The following UNC13C variants were observed in gnomAD, a reference collection of about 807,000 sequenced individuals.
UNC13C encodes the protein protein unc-13 homolog C.
UNC13C carries 174 observed loss-of-function variants against 245.4 expected under a neutral mutation model. The ratio of observed to expected loss-of-function variants is 0.71; its 90% CI spans 0.63 to 0.80. The LOEUF is 0.80. UNC13C is among the 30% of genes least tolerant of loss of function. The pLI, the probability that UNC13C is intolerant of heterozygous loss-of-function variation, is 0.00. For missense variants in UNC13C, 2,829 were observed against 2,602.9 expected, an observed-to-expected ratio of 1.09 and a Z score of -1.89; for synonymous variants, 992 against 895.1, an observed-to-expected ratio of 1.11 and a Z score of -1.93.
intron 26 of UNC13C, among the ~76,000 whole-genome samples, chr15:54,534,322 C>G (rs992848930): frequency 2.3e-4 from 35 of 152,162 alleles, no homozygotes. Context: ...CCTTGGCCCC[C>G]TGAAATCTTC....
At chr15:54,523,894 C>T (rs62022406) in intron 24 of UNC13C, among the ~76,000 whole-genome samples, 7,555 of 152,080 alleles carry the variant, frequency 0.05, 319 homozygotes, top group Admixed American at 0.12. Context: ...TTCCCTCTTC[C>T]CCAACATTTT....
At chr15:54,366,413 C>A (rs1219591905) in intron 17 of UNC13C, among the ~76,000 whole-genome samples, 1 of 152,052 alleles carries the variant, frequency 6.6e-6, no homozygotes, top group Admixed American at 6.6e-5. Flanking sequence ...AATTTTAAAT[C>A]CCCAGGAAAA....
intron 17 of UNC13C, among the ~76,000 whole-genome samples, chr15:54,348,992 C>A (rs2038920972): frequency 6.6e-6 from 1 of 151,468 alleles, no homozygotes; most frequent in South Asian, 2.1e-4. Context: ...GTGTTTTTTA[C>A]CACCTTATGT....
At chr15:54,264,114 C>T in intron 8 of UNC13C, 54 bp from the exon 9 acceptor site, 1 of 1,510,604 alleles carries the variant, frequency 6.6e-7, no homozygotes, top group Non-Finnish European at 9.0e-7. Flanking sequence ...CTCCTTTAGC[C>T]ATCAAAAAGT....
chr15:54,127,747 T>C (rs1007391446), intron 2 of UNC13C, among the ~76,000 whole-genome samples: 18 of 116,600 alleles, frequency 1.5e-4, no homozygotes, highest in African/African-American at 6.0e-4. Flanking sequence ...AAATATATAT[T>C]TCATATATAT....
At chr15:54,455,279 G>A (rs1269945806) in intron 19 of UNC13C, among the ~76,000 whole-genome samples, 1 of 134,914 alleles carries the variant, frequency 7.4e-6, no homozygotes, top group African/African-American at 2.8e-5. Flanking sequence ...ATTTAGGCTG[G>A]TTTTGTATTT....
intron 18 of UNC13C, among the ~76,000 whole-genome samples, chr15:54,393,819 A>C (rs1343671253): frequency 6.6e-6 from 1 of 151,802 alleles, no homozygotes; most frequent in Non-Finnish European, 1.5e-5. Flanking sequence ...CTCCCAACTA[A>C]AATAAAGGTG....
chr15:54,046,992 C>T (rs1897065017), intron 2 of UNC13C, among the ~76,000 whole-genome samples: 1 of 151,978 alleles, frequency 6.6e-6, no homozygotes, highest in South Asian at 2.1e-4. Context: ...TATGTAATTC[C>T]ATATATACAC....
chr15:53,934,017 G>A, the UNC13C span, among the ~76,000 whole-genome samples: 2 of 152,200 alleles, frequency 1.3e-5, no homozygotes, highest in Non-Finnish European at 1.5e-5. Flanking sequence ...CAACTGCATG[G>A]CTTCTGGTGA....
chr15:53,873,914 TCC>T, the UNC13C span, among the ~76,000 whole-genome samples: 2 of 20,576 alleles, frequency 9.7e-5, no homozygotes, highest in East Asian at 5.3e-3. Context: ...CTTCCTTCCT[TCC>T]TTCCTTTCTT....
At chr15:54,592,865 T>G (rs1342758588) in intron 30 of UNC13C, among the ~76,000 whole-genome samples, 1 of 36,294 alleles carries the variant, frequency 2.8e-5, no homozygotes, top group African/African-American at 1.1e-4. Flanking sequence ...TGTTTTTTGT[T>G]TTTTTTTTTT....
At chr15:54,229,923 A>G (rs566258752) in intron 4 of UNC13C, among the ~76,000 whole-genome samples, 1 of 152,110 alleles carries the variant, frequency 6.6e-6, no homozygotes, top group East Asian at 1.9e-4. Context: ...AATGTCCTTC[A>G]GGTTCATCCA....
intron 13 of UNC13C, among the ~76,000 whole-genome samples, chr15:54,315,181 C>T (rs539872848): frequency 2.0e-5 from 3 of 151,746 alleles, no homozygotes; most frequent in African/African-American, 7.2e-5. Context: ...AAAATCAAAA[C>T]TCCTTGGCTA....
chr15:54,525,716 C>A, intron 25 of UNC13C, 79 bp downstream of exon 25: 1 of 1,179,632 alleles, frequency 8.5e-7, no homozygotes, highest in Non-Finnish European at 1.2e-6. Flanking sequence ...AATGCTGTTT[C>A]CTCTGACTGA....
chr15:54,355,733 AT>A (rs761589987), intron 17 of UNC13C, among the ~76,000 whole-genome samples: 17 of 151,684 alleles, frequency 1.1e-4, no homozygotes, highest in East Asian at 3.9e-4. Flanking sequence ...AATTTAAAAG[AT>A]TTTTTTTTAA....
At chr15:54,045,228 G>A (rs1030845828) in intron 2 of UNC13C, among the ~76,000 whole-genome samples, 1 of 151,894 alleles carries the variant, frequency 6.6e-6, no homozygotes, top group Non-Finnish European at 1.5e-5. Flanking sequence ...GTTAATTTTT[G>A]CATATGGTAT....
chr15:54,287,148 G>A (rs1452944657), intron 10 of UNC13C, among the ~76,000 whole-genome samples: 1 of 152,124 alleles, frequency 6.6e-6, no homozygotes, highest in African/African-American at 2.4e-5. Flanking sequence ...AAATGGTTTA[G>A]TGAGACTATG....
intron 19 of UNC13C, among the ~76,000 whole-genome samples, chr15:54,484,184 C>G (rs1893282594): frequency 6.6e-6 from 1 of 152,036 alleles, no homozygotes; most frequent in South Asian, 2.1e-4. Context: ...AAGAGATGAA[C>G]AGCAAGAGTC....
intron 4 of UNC13C, among the ~76,000 whole-genome samples, chr15:54,178,750 T>A (rs2033698526): frequency 6.6e-6 from 1 of 152,182 alleles, no homozygotes; most frequent in South Asian, 2.1e-4. Flanking sequence ...CCCAGAATTC[T>A]GTTTGCCCCC....
Sources: gnomAD v4.1 joint callset for allele counts (sites outside exome capture counted in the v4.1 genomes callset) on GRCh38, gnomAD v4.1.1 for gene constraint, MANE v1.5 for transcripts, NCBI Gene and HGNC (gene_info 2026-07-23, HGNC 2026-07-21) for gene names.